APC: variants seen among roughly 807,000 people sequenced by gnomAD.
APC encodes the protein adenomatous polyposis coli protein.
A neutral mutation model predicts 247.0 loss-of-function variants in APC; 72 were observed. The ratio of observed to expected loss-of-function variants is 0.29; its 90% confidence interval spans 0.24 to 0.35. The LOEUF (loss-of-function observed/expected upper bound fraction) is 0.35, where lower values mean the gene tolerates loss of function less well. APC is among the 10% of genes least tolerant of loss of function. The pLI is 1.00. For synonymous variants in APC, 1,254 were observed against 1,162.5 expected, an observed-to-expected ratio of 1.08 and a Z score of -1.60; for missense variants, 3,400 against 3,360.7, an observed-to-expected ratio of 1.01 and a Z score of -0.29.
Position 112,842,859 on chromosome 5 carries a change from C to T in APC, c.7265C>T (p.Thr2422Ile), listed in dbSNP as rs1377799096. Residue 2422 changes from threonine (T) to isoleucine (I), a missense_variant, in exon 16 of 16, where the codon ACT becomes ATT. Physicochemically the swap from Thr to Ile is moderately conservative, Grantham distance 89 (BLOSUM62 -1). Transcript: ENST00000257430. Reference sequence around the variant, plus strand: ...GTAGAACTTTCTAGAATGTCTTCAACTAAATCAAGTGGAAGTGAATCTGAT... The same window carrying T: ...GTAGAACTTTCTAGAATGTCTTCAATTAAATCAAGTGGAAGTGAATCTGAT... Reference protein sequence around the residue: ...KKVELSRMSSTKSSGSESDRS... With the variant: ...KKVELSRMSSIKSSGSESDRS... 4.3e-6 allele frequency: 7 copies of T among 1,613,830 alleles called. No homozygotes were observed. The highest frequency in any genetic ancestry group is 4.0e-5 in the African/African-American group (3 of 74,904).
chr5:112,809,240 C>T lies in APC; in HGVS notation c.835-6255C>T, dbSNP rs747058530. ...AGGCGTGGTGGCATGTGCCTGAGGT[C>T]CCAGCTACTTGGGAGGTTGAGGTGG... On this transcript the variant is annotated intron_variant, in intron 8 of 15. Transcript: ENST00000257430. Among the ~76,000 whole-genome samples, 21 of 151,430 alleles carry T rather than the reference C, an allele frequency of 1.4e-4. 1 individual carries two copies. The highest frequency in any genetic ancestry group is 5.9e-4 in the Admixed American group (9 of 15,222).
chr5:112,729,859 T>C (rs1013187446), intron 1 of APC, among the ~76,000 whole-genome samples: 1 of 152,202 alleles, frequency 6.6e-6, no homozygotes, highest in Non-Finnish European at 1.5e-5. Flanking sequence ...CTAATATATA[T>C]TTAGTATCTT....
intron 1 of APC, among the ~76,000 whole-genome samples, chr5:112,747,029 G>A (rs1281476044): frequency 6.6e-6 from 1 of 152,102 alleles, no homozygotes; most frequent in Non-Finnish European, 1.5e-5. Context: ...TTAAGAGAAG[G>A]GGTCACACTG....
At chr5:112,799,872 C>T (rs1247922216) in intron 7 of APC, among the ~76,000 whole-genome samples, 1 of 152,130 alleles carries the variant, frequency 6.6e-6, no homozygotes. Context: ...TTACCCAGAA[C>T]ACTCATCCTC....
At chr5:112,710,850 A>T (rs1750807994) in intron 1 of APC, among the ~76,000 whole-genome samples, 1 of 152,254 alleles carries the variant, frequency 6.6e-6, no homozygotes, top group South Asian at 2.1e-4. Flanking sequence ...CTTAGCTCAC[A>T]GGGTGGTGGT....
chr5:112,769,680 C>T (rs1035563044), intron 4 of APC, among the ~76,000 whole-genome samples: 15 of 151,892 alleles, frequency 9.9e-5, no homozygotes, highest in African/African-American at 3.6e-4. Context: ...ATTTTTGTAC[C>T]ATTTTCTTCT....
intron 6 of APC, among the ~76,000 whole-genome samples, chr5:112,784,163 C>A (rs1223363932): frequency 6.6e-6 from 1 of 152,130 alleles, no homozygotes; most frequent in African/African-American, 2.4e-5. Context: ...CACCTCCTGG[C>A]TTCAAGCGAT....
intron 13 of APC, 103 bp from the exon 14 acceptor site, chr5:112,828,753 T>G: frequency 1.2e-6 from 1 of 836,972 alleles, no homozygotes; most frequent in Non-Finnish European, 2.0e-6. Context: ...CTAGCCAGAA[T>G]TTCTTTCTTA....
In APC at chr5:112,841,059, T is replaced by A. The variant is rs459552; in HGVS notation, c.5465T>A (p.Val1822Asp). ...CAGAATTTGAAAAATAATTCCAAGG[T>A]CTTCAATGATAAGCTCCCAAATAAT... Reference protein sequence around the residue: ...KKQNLKNNSKVFNDKLPNNED... With the variant: ...KKQNLKNNSKDFNDKLPNNED... Residue 1822 changes from valine to aspartate, a missense_variant, in exon 16 of 16, where the codon GTC (valine) becomes GAC (aspartate). By Grantham distance (152) the Val-to-Asp change is radical (BLOSUM62 -3). Around this residue, in one of 9 missense-constraint regions of APC, gnomAD observed 1,788 missense variants for 1,649.5 expected, o/e 1.08. Coordinates refer to ENST00000257430, the MANE Select transcript of APC (RefSeq NM_000038.6). This position sits in a 1 kb window ranked among gnomAD's most constrained non-coding sequence, Gnocchi z 4.6. The A allele has an allele frequency of 0.78, 1,257,991 of 1,611,172 alleles. 493,662 individuals are homozygous for A. The highest frequency in any genetic ancestry group is 0.96 in the African/African-American group (71,843 of 74,942).
chr5:112,739,138 ATATTT>A (rs2149685942), intron 1 of APC, among the ~76,000 whole-genome samples: 1 of 152,304 alleles, frequency 6.6e-6, no homozygotes, highest in African/African-American at 2.4e-5. Flanking sequence ...CAGTGTGCAA[ATATTT>A]TAAATTAAAG....
At chr5:112,788,542 G>A (rs1759229763) in intron 6 of APC, among the ~76,000 whole-genome samples, 1 of 152,102 alleles carries the variant, frequency 6.6e-6, no homozygotes, top group Admixed American at 6.6e-5. Context: ...GATTAAATGA[G>A]TTGATATATG....
chr5:112,842,942 C>T lies in APC; in HGVS notation c.7348C>T (p.Pro2450Ser), dbSNP rs1766453705. ...QSTFIKEAPSPTLRRKLEESA... is the reference protein window; with the variant it reads ...QSTFIKEAPSSTLRRKLEESA... ...AACTTTCATCAAAGAAGCTCCAAGC[C>T]CAACCTTAAGAAGAAAATTGGAGGA... Residue 2450 changes from proline to serine, a missense_variant, in exon 16 of 16, where the codon CCA becomes TCA. By Grantham distance (74) the Pro-to-Ser change is moderately conservative (BLOSUM62 -1). Transcript: ENST00000257430. The T allele has an allele frequency of 6.2e-7, 1 of 1,613,920 alleles. No homozygotes were observed. Among genetic ancestry groups the T allele is most frequent in the South Asian group, 1.1e-5 (1 of 91,072 alleles).
intron 5 of APC, among the ~76,000 whole-genome samples, chr5:112,776,954 G>T (rs569383493): frequency 2.6e-5 from 4 of 152,034 alleles, no homozygotes; most frequent in African/African-American, 4.8e-5. Flanking sequence ...GATTTGTCTG[G>T]TTTCCTCATC....
chr5:112,818,855 G>GGGTGTTTTGTTTTTTT, intron 9 of APC, 111 bp from the exon 10 acceptor site: 26 of 1,118,264 alleles, frequency 2.3e-5, no homozygotes, highest in South Asian at 8.1e-5. Context: ...GGCGGGGGGG[G>GGGTGTTTTGTTTTTTT]TTGTTTTGTT....
Position 112,846,049 on chromosome 5 carries a change from A to G in APC, c.*1923A>G, listed in dbSNP as rs747930693. ...TAAAATGCCAGTAAATAAAAGTGCT[A>G]TGACTTGAGCTAAGATATTTGACTC... On this transcript the variant is annotated 3_prime_UTR_variant, in exon 16 of 16. Transcript: ENST00000257430. 2 of 232,026 alleles carry G rather than the reference A, an allele frequency of 8.6e-6. No individual in the cohort carries two copies. Among genetic ancestry groups the G allele is most frequent in the South Asian group, 1.8e-4 (1 of 5,520 alleles). The allele number at this position is 232,026 out of a possible 1,614,324, so 14.4% of individuals were successfully genotyped here.
In APC at chr5:112,842,067, C is replaced by G. The variant is rs587779804; in HGVS notation, c.6473C>G (p.Pro2158Arg). Residue 2158 changes from proline to arginine, a missense_variant, in exon 16 of 16, where the codon CCC becomes CGC. This residue lies in a region of APC where 1,788 missense variants were observed against 1,649.5 expected (regional missense o/e 1.08). Coordinates refer to ENST00000257430, the MANE Select transcript of APC (RefSeq NM_000038.6). ...FHLTPDQEEK[P>R]FTSNKGPRIL... ...CTTACACCTGATCAAGAAGAAAAAC[C>G]CTTTACAAGTAATAAAGGCCCACGA... The G allele has an allele frequency of 1.1e-4, 174 of 1,612,082 alleles. No homozygotes were observed. Among genetic ancestry groups the G allele is most frequent in the Non-Finnish European group, 1.4e-4 (165 of 1,178,420 alleles).
At chr5:112,815,834 G>GC (rs1354765151) in intron 9 of APC, among the ~76,000 whole-genome samples, 1 of 152,170 alleles carries the variant, frequency 6.6e-6, no homozygotes, top group East Asian at 1.9e-4. Context: ...TACTCAGGAG[G>GC]CTGAGGCATG....
chr5:112,820,061 C>T (rs1389321988), intron 10 of APC, among the ~76,000 whole-genome samples: 1 of 152,134 alleles, frequency 6.6e-6, no homozygotes, highest in African/African-American at 2.4e-5. Context: ...CTCAGCCCCA[C>T]TCCCGCAGGA....
intron 6 of APC, among the ~76,000 whole-genome samples, chr5:112,791,605 GC>G (rs1199681717): frequency 2.6e-5 from 4 of 152,138 alleles, no homozygotes; most frequent in Non-Finnish European, 4.4e-5. Context: ...GACTTCCCCT[GC>G]CCCAGTCAGT....
Sources: gnomAD v4.1 joint callset for allele counts (sites outside exome capture counted in the v4.1 genomes callset) on GRCh38, gnomAD v4.1.1 for gene constraint, gnomAD v4.1.1 regional missense constraint, Gnocchi (gnomAD v3.1) non-coding constraint, MANE v1.5 for transcripts, NCBI Gene and HGNC (gene_info 2026-07-23, HGNC 2026-07-21) for gene names.